The following RUVBL2 variants were observed in gnomAD, a reference collection of about 807,000 sequenced individuals.
RUVBL2 encodes the protein RuvB like AAA ATPase 2.
RUVBL2 carries 9 observed loss-of-function variants against 57.9 expected under a neutral mutation model. The observed-to-expected ratio is 0.16, with a 90% CI of 0.09 to 0.27. RUVBL2 has a LOEUF of 0.27. RUVBL2 is among the 10% of genes least tolerant of loss of function. The probability of loss-of-function intolerance (pLI) is 1.00; values close to 1 mark genes in which losing one functional copy is unlikely to be tolerated. For missense variants in RUVBL2, 456 were observed against 669.6 expected (o/e 0.68, Z 3.52); for synonymous variants, 278 against 264.6 (o/e 1.05, Z -0.49).
intron 1 of RUVBL2, 162 bp downstream of exon 1, chr19:48,994,085 G>A: frequency 4.5e-6 from 2 of 445,084 alleles, no homozygotes; most frequent in South Asian, 4.2e-5. Context: ...AGATCTGGGG[G>A]AGAAGGGGAC....
chr19:49,004,468 C>G, intron 4 of RUVBL2, 50 bp downstream of exon 4: 1 of 1,556,420 alleles, frequency 6.4e-7, no homozygotes, highest in Non-Finnish European at 8.7e-7. Context: ...CTAAATAACT[C>G]CTCCTGTGTA....
At chr19:49,010,467 T>TGCCCCCCCCCCCCCCCCCC in intron 8 of RUVBL2, 21 bp from the exon 9 acceptor site, 2 of 1,401,206 alleles carry the variant, frequency 1.4e-6, no homozygotes, top group Non-Finnish European at 2.0e-6. Flanking sequence ...CCGCCGTTCT[T>TGCCCCCCCCCCCCCCCCCC]CCCCCACCCC....
Position 49,010,468 on chromosome 19 carries a change from C to A in RUVBL2, c.664-20C>A. The A allele has an allele frequency of 7.4e-6, 6 of 807,066 alleles. No homozygotes were observed. Among genetic ancestry groups the A allele is most frequent in the Non-Finnish European group, 1.2e-5 (6 of 508,788 alleles). 50.0% of individuals were successfully genotyped at this position (807,066 alleles called of 1,614,324 possible). A position where few individuals can be genotyped will look rare whatever the true frequency, so the allele number is the denominator to read the frequency against. On this transcript the variant is annotated intron_variant, in intron 8 of 14. Transcript: ENST00000595090. ...TCCCTGCCCTGTCTCCGCCGTTCTT[C>A]CCCCACCCCCGCCCCATAGACCAAG...
At chr19:48,993,563 G>C (rs905973006), upstream of RUVBL2, 2 of 462,068 alleles carry the variant, frequency 4.3e-6, no homozygotes. Context: ...CTCAAAGTGG[G>C]GAGGAGGAGG....
chr19:48,993,771 T>A, upstream of RUVBL2: 1 of 1,140,692 alleles, frequency 8.8e-7, no homozygotes, highest in Non-Finnish European at 1.3e-6. Context: ...GGGCATAAAG[T>A]CCCGCCACGC....
rs2039376330 is a variant in RUVBL2, at chr19:49,010,005, A to G, written c.602A>G (p.Lys201Arg). The G allele has an allele frequency of 1.3e-6, 2 of 1,591,340 alleles. No homozygotes were observed. The highest frequency in any genetic ancestry group is 2.7e-5 in the African/African-American group (2 of 74,420). ...DVITIDKATG[K>R]ISKLGRSFTR... Reference sequence around the variant, plus strand: ...ATCACCATCGACAAGGCGACGGGCAAGATCTCCAAGCTGGGCCGCTCCTTC... The same window carrying G: ...ATCACCATCGACAAGGCGACGGGCAGGATCTCCAAGCTGGGCCGCTCCTTC... The change falls in exon 8 of 15, where the codon AAG (lysine) becomes AGG (arginine). Residue 201 changes from lysine (K) to arginine (R), a missense_variant. Lys to Arg is a conservative substitution (Grantham distance 26, BLOSUM62 2). This residue lies in a region of RUVBL2 where 233 missense variants were observed against 306.0 expected (regional missense o/e 0.76). Transcript: ENST00000595090.
chr19:48,995,745 G>C (rs1029839747), intron 1 of RUVBL2, among the ~76,000 whole-genome samples: 1 of 151,964 alleles, frequency 6.6e-6, no homozygotes, highest in Non-Finnish European at 1.5e-5. Flanking sequence ...CAGCACTTTG[G>C]GGGGTCGAGG....
rs11883208 is a variant in RUVBL2, at chr19:49,005,884, C to G, written c.266-1134C>G. Reference sequence around the variant, plus strand: ...CTCCTGACCTCAGGTGATCCACCCCCCTGCCTCGGCCTCCCAAAGTGCTGG... The same window carrying G: ...CTCCTGACCTCAGGTGATCCACCCCGCTGCCTCGGCCTCCCAAAGTGCTGG... On this transcript the variant is annotated intron_variant, in intron 4 of 14. Transcript: ENST00000595090. Among the ~76,000 whole-genome samples the G allele has an allele frequency of 5.0e-3, 766 of 152,334 alleles. 11 individuals are homozygous for G. The highest frequency in any genetic ancestry group is 0.017 in the African/African-American group (700 of 41,584).
rs563124483 is a variant in RUVBL2 at position 49,003,390 on chromosome 19, G to A, written c.123+56G>A. The A allele has an allele frequency of 1.3e-5, 19 of 1,494,490 alleles. No individual in the cohort carries two copies. In the African/African-American group the frequency reaches 2.2e-4, roughly 17 times the overall value. The allele number at this position is 1,494,490 out of a possible 1,614,324, so 92.6% of individuals were successfully genotyped here. A position where few individuals can be genotyped will look rare whatever the true frequency, so the allele number is the denominator to read the frequency against. On this transcript the variant is annotated intron_variant, in intron 3 of 14. Coordinates refer to ENST00000595090, the MANE Select transcript of RUVBL2 (RefSeq NM_006666.3). ...CTCTCCATGAAGGTCTTGGGTAGTG[G>A]GTACCCAGGGTCCTGGGGAGTGTGG...
At chr19:48,993,605 G>A (rs967441043), upstream of RUVBL2, 23 of 541,512 alleles carry the variant, frequency 4.2e-5, no homozygotes, top group Non-Finnish European at 6.6e-5. Flanking sequence ...GAGCGTGGAG[G>A]ACGTGTGGTT....
chr19:48,993,449 T>C (rs370486752), upstream of RUVBL2: 165 of 427,748 alleles, frequency 3.9e-4, 1 homozygote, highest in East Asian at 7.1e-3. Flanking sequence ...GGAGTCGCTG[T>C]GTCCCGGCCC....
chr19:48,999,989 A>G (rs933161915), intron 2 of RUVBL2, among the ~76,000 whole-genome samples: 3 of 152,168 alleles, frequency 2.0e-5, no homozygotes, highest in Non-Finnish European at 4.4e-5. Flanking sequence ...GCATTCATTC[A>G]TGCAGCAGGC....
chr19:49,003,180 A>AC, intron 2 of RUVBL2, 99 bp from the exon 3 acceptor site: 2 of 542,610 alleles, frequency 3.7e-6, no homozygotes, highest in Non-Finnish European at 7.1e-6. Flanking sequence ...ACTCCCACCC[A>AC]CCCCTTTGAC....
At chr19:49,007,447 T>G in intron 6 of RUVBL2, 79 bp downstream of exon 6, 2 of 1,304,258 alleles carry the variant, frequency 1.5e-6, no homozygotes, top group Non-Finnish European at 2.2e-6. Context: ...AGGTCTGCAC[T>G]GAGGTCAGAA....
At chr19:48,996,677 C>T (rs143572048) in intron 1 of RUVBL2, among the ~76,000 whole-genome samples, 1,573 of 152,292 alleles carry the variant, frequency 0.01, 26 homozygotes, top group African/African-American at 0.035. Flanking sequence ...AGGCACCTGC[C>T]ACCACGCCTG....
At chr19:49,007,868 C>T (rs2039313160) in intron 6 of RUVBL2, among the ~76,000 whole-genome samples, 1 of 152,048 alleles carries the variant, frequency 6.6e-6, no homozygotes, top group African/African-American at 2.4e-5. Context: ...GCCACCACGC[C>T]CGGCTAATTT....
In RUVBL2 at chr19:49,011,106, G is replaced by T. The variant is rs770891055; in HGVS notation, c.882+13G>T. ...GATCATCCCTGGAGTGAGGACCCAG[G>T]ACATGGCCGGGGCGGGTGGTGGGGT... On this transcript the variant is annotated intron_variant, in intron 10 of 14. Coordinates refer to ENST00000595090, the MANE Select transcript of RUVBL2 (RefSeq NM_006666.3). The surrounding 1 kb of genome is among the most constrained non-coding windows in gnomAD (Gnocchi z 4.4). 15 of 1,292,192 alleles carry T rather than the reference G, an allele frequency of 1.2e-5. No homozygotes were observed. Among genetic ancestry groups the T allele is most frequent in the Non-Finnish European group, 1.7e-5 (15 of 905,574 alleles). The allele number at this position is 1,292,192 out of a possible 1,614,324, so 80.0% of individuals were successfully genotyped here.
At chr19:49,013,296 T>C (rs1203856625) in intron 11 of RUVBL2, among the ~76,000 whole-genome samples, 2 of 151,288 alleles carry the variant, frequency 1.3e-5, no homozygotes, top group East Asian at 3.9e-4. Context: ...GATGGTGTTT[T>C]GCCATGTTGC....
At chr19:49,010,467 T>TGGGGCC in intron 8 of RUVBL2, 21 bp from the exon 9 acceptor site, 6 of 1,401,144 alleles carry the variant, frequency 4.3e-6, no homozygotes, top group Non-Finnish European at 5.0e-6. Flanking sequence ...CCGCCGTTCT[T>TGGGGCC]CCCCCACCCC....
Sources: gnomAD v4.1 joint callset for allele counts (sites outside exome capture counted in the v4.1 genomes callset) on GRCh38, gnomAD v4.1.1 for gene constraint, gnomAD v4.1.1 regional missense constraint, Gnocchi (gnomAD v3.1) non-coding constraint, MANE v1.5 for transcripts, NCBI Gene and HGNC (gene_info 2026-07-23, HGNC 2026-07-21) for gene names.